MYPN: variants seen among roughly 807,000 people sequenced by gnomAD.
The protein encoded by MYPN is myopalladin.
MYPN carries 63 observed loss-of-function variants against 129.4 expected under a neutral mutation model. The ratio of observed to expected loss-of-function variants is 0.49; its 90% CI spans 0.40 to 0.60. The LOEUF (loss-of-function observed/expected upper bound fraction) is 0.60, where lower values mean the gene tolerates loss of function less well. MYPN is among the 20% of genes least tolerant of loss of function. MYPN has a pLI of 0.00. For synonymous variants in MYPN, 629 were observed against 600.9 expected (o/e 1.05, Z -0.68); for missense variants, 1,596 against 1,635.4 (o/e 0.98, Z 0.42).
At position 68,203,495 on chromosome 10, in the gene MYPN, G is replaced by C. The variant is rs1032039541; in HGVS notation, c.3659+1501G>C. Among the ~76,000 whole-genome samples, 20 of 151,926 alleles carry C rather than the reference G, an allele frequency of 1.3e-4. 1 individual carries two copies. Among genetic ancestry groups the C allele is most frequent in the Non-Finnish European group, 1.2e-4 (8 of 67,992 alleles). On this transcript the variant is annotated intron_variant, in intron 18 of 19. Coordinates refer to ENST00000358913, the MANE Select transcript of MYPN (RefSeq NM_032578.4). ...TCCCAGCTACTCAGGAGGCTGAGGA[G>C]GGAGGATTGCTTGAACTCAGGATTT...
At chr10:68,143,905 C>A (rs2042618299) in intron 3 of MYPN, among the ~76,000 whole-genome samples, 1 of 152,116 alleles carries the variant, frequency 6.6e-6, no homozygotes, top group South Asian at 2.1e-4. Context: ...CAGGCATGCG[C>A]CACCACACCT....
At chr10:68,173,946 CA>C (rs1434401355) in intron 10 of MYPN, 119 bp from the exon 11 acceptor site, 10 of 849,446 alleles carry the variant, frequency 1.2e-5, no homozygotes, top group Non-Finnish European at 2.0e-5. Flanking sequence ...GGATTACAGG[CA>C]TGAGCCACCA....
intron 2 of MYPN, among the ~76,000 whole-genome samples, chr10:68,131,971 G>A (rs1382709400): frequency 6.6e-6 from 1 of 152,010 alleles, no homozygotes; most frequent in African/African-American, 2.4e-5. Context: ...AGATTTTTGG[G>A]TGTGTTCTTC....
At chr10:68,139,589 A>G (rs998032730) in intron 2 of MYPN, among the ~76,000 whole-genome samples, 3 of 152,174 alleles carry the variant, frequency 2.0e-5, no homozygotes, top group Non-Finnish European at 4.4e-5. Context: ...GGAACTGCAC[A>G]CGCTCTGAGG....
chr10:68,188,980 G>A lies in MYPN; in HGVS notation c.2779G>A (p.Glu927Lys). Reference sequence around the variant, plus strand: ...TCGCTTGGAACGTACTCCTGTTGATGAATCAGATGATGAAATTCAACATGA... The same window carrying A: ...TCGCTTGGAACGTACTCCTGTTGATAAATCAGATGATGAAATTCAACATGA... ...EFRLERTPVDESDDEIQHDEI... is the reference protein window; with the variant it reads ...EFRLERTPVDKSDDEIQHDEI... Residue 927 changes from glutamate to lysine, a missense_variant, in exon 13 of 20, where the codon GAA becomes AAA. Coordinates refer to ENST00000358913, the MANE Select transcript of MYPN (RefSeq NM_032578.4). 2 of 1,614,136 alleles carry A rather than the reference G, an allele frequency of 1.2e-6. No homozygotes were observed. Among genetic ancestry groups the A allele is most frequent in the East Asian group, 2.2e-5 (1 of 44,866 alleles).
chr10:68,123,986 C>T (rs377031446), intron 2 of MYPN, among the ~76,000 whole-genome samples: 1 of 152,134 alleles, frequency 6.6e-6, no homozygotes, highest in Non-Finnish European at 1.5e-5. Flanking sequence ...TATACACTTT[C>T]CATGTCAGCT....
At chr10:68,164,773 C>T (rs540615108) in intron 8 of MYPN, among the ~76,000 whole-genome samples, 1 of 152,266 alleles carries the variant, frequency 6.6e-6, no homozygotes, top group African/African-American at 2.4e-5. Context: ...AGAGAATCAT[C>T]GTTCACAGTG....
chr10:68,147,945 T>C (rs1375837994), intron 4 of MYPN, among the ~76,000 whole-genome samples: 6 of 152,144 alleles, frequency 3.9e-5, no homozygotes, highest in African/African-American at 1.2e-4. Flanking sequence ...GACCCTGTCT[T>C]GGATCAGAGG....
upstream of MYPN, among the ~76,000 whole-genome samples, chr10:68,105,031 G>A (rs942954482): frequency 6.6e-6 from 1 of 152,102 alleles, no homozygotes; most frequent in East Asian, 1.9e-4. Context: ...TGAGCCACCC[G>A]CCTCAGCCTG....
intron 1 of MYPN, among the ~76,000 whole-genome samples, chr10:68,119,832 T>C (rs952682509): frequency 6.6e-6 from 1 of 152,228 alleles, no homozygotes; most frequent in African/African-American, 2.4e-5. Context: ...TTACTGTGGA[T>C]GGTCCTTTCA....
intron 16 of MYPN, among the ~76,000 whole-genome samples, chr10:68,198,936 T>C (rs2043658827): frequency 6.6e-6 from 1 of 151,908 alleles, no homozygotes; most frequent in Non-Finnish European, 1.5e-5. Flanking sequence ...GGTACACATA[T>C]ACCTATGTAA....
chr10:68,195,723 G>T (rs930195725), intron 15 of MYPN, among the ~76,000 whole-genome samples, 191 bp downstream of exon 15: 5 of 152,146 alleles, frequency 3.3e-5, no homozygotes, highest in Non-Finnish European at 5.9e-5. Flanking sequence ...CTCAGAATCT[G>T]CATTTTAACA....
upstream of MYPN, among the ~76,000 whole-genome samples, chr10:68,104,693 C>T (rs980577854): frequency 2.6e-5 from 4 of 152,036 alleles, no homozygotes; most frequent in African/African-American, 4.8e-5. Context: ...ATGTCAGGGT[C>T]GGTTTCAGTC....
chr10:68,155,854 T>A (rs2042864043), intron 6 of MYPN, among the ~76,000 whole-genome samples: 1 of 152,218 alleles, frequency 6.6e-6, no homozygotes, highest in Non-Finnish European at 1.5e-5. Flanking sequence ...TGTGCCACAC[T>A]GGAATGAGCT....
Position 68,099,652 on chromosome 10 carries a change from GTAAC to G in MYPN, c.-2+11664_-2+11667del, listed in dbSNP as rs528464731. 1.1e-4 allele frequency among the ~76,000 whole-genome samples: 17 copies of G among 149,744 alleles called. No homozygotes were observed. In the East Asian group the frequency reaches 2.5e-3, roughly 22 times the overall value. ...AAGACTCTGTCTCAAAAAAAAAAAA[GTAAC>G]TAATAATTTGCAGATAGAGATGCAC... On this transcript the variant is annotated intron_variant, in intron 1 of 6. Coordinates refer to the MYPN transcript ENST00000685154.
chr10:68,200,934 T>C (rs1231243491), intron 17 of MYPN, among the ~76,000 whole-genome samples: 3 of 152,172 alleles, frequency 2.0e-5, no homozygotes, highest in Admixed American at 2.0e-4. Context: ...TTACCTTTAT[T>C]CCACTATTTT....
intron 1 of MYPN, among the ~76,000 whole-genome samples, chr10:68,117,830 T>G (rs1008976372): frequency 2.6e-5 from 4 of 151,508 alleles, no homozygotes; most frequent in Non-Finnish European, 4.4e-5. Flanking sequence ...TTCCATTTAT[T>G]GAATGTTTAC....
intron 10 of MYPN, among the ~76,000 whole-genome samples, chr10:68,171,217 C>A (rs2043140035): frequency 6.6e-6 from 1 of 151,824 alleles, no homozygotes; most frequent in Non-Finnish European, 1.5e-5. Context: ...CCACTCCCTA[C>A]CACCCACCCG....
At position 68,143,458 on chromosome 10, in the gene MYPN, A is replaced by G. The variant is rs563932703; in HGVS notation, c.1078+343A>G. On this transcript the variant is annotated intron_variant, in intron 3 of 19. Coordinates refer to ENST00000358913, the MANE Select transcript of MYPN (RefSeq NM_032578.4). ...AATGAGCCACAAGGTCGTTTGAGAG[A>G]AATTTACTCTAGGCAGAAAAATCAG... 8.2e-4 allele frequency among the ~76,000 whole-genome samples: 125 copies of G among 152,272 alleles called. No homozygotes were observed. In the Middle Eastern group the frequency reaches 0.017, roughly 21 times the overall value.
Sources: gnomAD v4.1 joint callset for allele counts (sites outside exome capture counted in the v4.1 genomes callset) on GRCh38, gnomAD v4.1.1 for gene constraint, MANE v1.5 for transcripts, NCBI Gene and HGNC (gene_info 2026-07-23, HGNC 2026-07-21) for gene names.